The following PDE3B variants were observed in gnomAD, a reference collection of about 807,000 sequenced individuals.
PDE3B encodes phosphodiesterase 3B.
In PDE3B, 66 loss-of-function variants were observed where a neutral mutation model predicts 116.8. That is an observed-to-expected ratio of 0.56 (90% CI 0.46 to 0.69). The LOEUF (loss-of-function observed/expected upper bound fraction) is 0.69. PDE3B is among the 30% of genes least tolerant of loss of function. PDE3B has a pLI of 0.00. For missense variants in PDE3B, 1,384 were observed against 1,368.1 expected (o/e 1.01, Z -0.18); for synonymous variants, 595 against 533.6 (o/e 1.12, Z -1.59).
At chr11:14,830,925 G>C (rs1265832277) in intron 8 of PDE3B, 79 bp downstream of exon 8, 3 of 982,650 alleles carry the variant, frequency 3.1e-6, no homozygotes, top group African/African-American at 1.7e-5. Flanking sequence ...CTTTTGCCCA[G>C]AACAAGATTT....
the PDE3B span, chr11:14,892,120 T>G: frequency 2.5e-6 from 4 of 1,611,692 alleles, no homozygotes; most frequent in Non-Finnish European, 3.4e-6. Flanking sequence ...CTTCAGCAGC[T>G]GGCGGACCCC....
intron 1 of PDE3B, among the ~76,000 whole-genome samples, chr11:14,709,311 T>C (rs1855625844): frequency 6.6e-6 from 1 of 152,170 alleles, no homozygotes. Flanking sequence ...TGAGGATACT[T>C]ACCATGTTTT....
chr11:14,747,522 C>T lies in PDE3B; in HGVS notation c.979-24415C>T, dbSNP rs557104514. On this transcript the variant is annotated intron_variant, in intron 1 of 15. Coordinates refer to ENST00000282096, the MANE Select transcript of PDE3B (RefSeq NM_000922.4). ...GAAGACAGTCAGAAGATAGCCTAAACAGAATCTGTTATTCATTGTGGTTGA... is the reference window on the plus strand; with the variant it reads ...GAAGACAGTCAGAAGATAGCCTAAATAGAATCTGTTATTCATTGTGGTTGA... Among the ~76,000 whole-genome samples the T allele has an allele frequency of 2.0e-5, 3 of 152,302 alleles. No individual in the cohort carries two copies. The South Asian group carries it at 6.2e-4, about 32-fold the overall frequency.
intron 12 of PDE3B, among the ~76,000 whole-genome samples, chr11:14,845,107 A>G (rs1040621769): frequency 6.6e-6 from 1 of 151,920 alleles, no homozygotes; most frequent in African/African-American, 2.4e-5. Context: ...GCAGACTGAC[A>G]CCTCACACGG....
chr11:14,644,508 C>A lies in PDE3B; in HGVS notation c.433C>A (p.Pro145Thr), dbSNP rs1420483950. ...CACCCGGACCAAGCGGGGACCCGGC[C>A]CGGGCCGGAGCTGCGGCTCCTGGTG... ...FLTRTKRGPGPGRSCGSWWLL... is the reference protein window; with the variant it reads ...FLTRTKRGPGTGRSCGSWWLL... Residue 145 changes from proline to threonine, a missense_variant, in exon 1 of 16, where the codon CCG becomes ACG. Pro to Thr is a conservative substitution (Grantham distance 38). Transcript: ENST00000282096. 2.5e-6 allele frequency: 4 copies of A among 1,610,438 alleles called. No homozygotes were observed. The South Asian group carries it at 4.4e-5, about 18-fold the overall frequency.
intron 15 of PDE3B, among the ~76,000 whole-genome samples, chr11:14,868,323 C>A (rs139832925): frequency 6.6e-6 from 1 of 152,192 alleles, no homozygotes; most frequent in Non-Finnish European, 1.5e-5. Context: ...CTTCATGTCA[C>A]TCCTTTTCAC....
chr11:14,697,118 T>C (rs1428978522), intron 1 of PDE3B, among the ~76,000 whole-genome samples: 1 of 151,914 alleles, frequency 6.6e-6, no homozygotes, highest in African/African-American at 2.4e-5. Context: ...GATTTATTTT[T>C]ATAGAGGTAG....
At chr11:14,821,847 G>A (rs544168489) in intron 7 of PDE3B, among the ~76,000 whole-genome samples, 11 of 151,682 alleles carry the variant, frequency 7.3e-5, no homozygotes, top group Admixed American at 2.6e-4. Flanking sequence ...TATTAAGTAC[G>A]AAAATCAGGA....
At chr11:14,684,310 C>T (rs997881634) in intron 1 of PDE3B, among the ~76,000 whole-genome samples, 1 of 152,092 alleles carries the variant, frequency 6.6e-6, no homozygotes, top group South Asian at 2.1e-4. Context: ...GATGACATCA[C>T]GTATCGGTAG....
chr11:14,739,082 C>T (rs1250840848), intron 1 of PDE3B, among the ~76,000 whole-genome samples: 1 of 152,098 alleles, frequency 6.6e-6, no homozygotes, highest in Non-Finnish European at 1.5e-5. Flanking sequence ...CTTGGCTATG[C>T]AGGCCCTTTT....
intron 2 of PDE3B, among the ~76,000 whole-genome samples, chr11:14,778,723 G>C (rs544429651): frequency 6.6e-6 from 1 of 152,188 alleles, no homozygotes; most frequent in Non-Finnish European, 1.5e-5. Context: ...AGAAACCAGA[G>C]CAGAAAAGCT....
intron 2 of PDE3B, chr11:14,772,661 A>G (rs762706469): frequency 2.0e-5 from 3 of 151,964 alleles, no homozygotes; most frequent in Non-Finnish European, 4.4e-5. Context: ...ATGGAATAAT[A>G]TGTGTACTTT....
At chr11:14,809,798 A>G (rs755499339) in intron 5 of PDE3B, among the ~76,000 whole-genome samples, 5 of 152,224 alleles carry the variant, frequency 3.3e-5, no homozygotes, top group Non-Finnish European at 7.3e-5. Flanking sequence ...CTAATCAGAC[A>G]TCAAGACTGC....
the PDE3B span, chr11:14,880,482 C>T: frequency 6.2e-7 from 1 of 1,613,432 alleles, no homozygotes; most frequent in Admixed American, 1.7e-5. Context: ...CAGCTAGTTC[C>T]ACATTTTCAC....
At chr11:14,674,679 G>A in intron 1 of PDE3B, 3 of 211,668 alleles carry the variant, frequency 1.4e-5, no homozygotes, top group Non-Finnish European at 2.9e-5. Context: ...TGAATATGAG[G>A]GTAACAACTA....
At chr11:14,883,300 T>G in the PDE3B span, among the ~76,000 whole-genome samples, 1 of 151,996 alleles carries the variant, frequency 6.6e-6, no homozygotes, top group Non-Finnish European at 1.5e-5. Flanking sequence ...AAGGCTACAC[T>G]AACCAAAACA....
rs183552851 is a variant in PDE3B, at chr11:14,802,242, C to T, written c.1416-1702C>T. On this transcript the variant is annotated intron_variant, in intron 4 of 15. Transcript: ENST00000282096. ...CTAGTTTGGTGTCTGCCTAAATGGC[C>T]GCCCAGTTTTTTGCTTGAAACCCAG... Among the ~76,000 whole-genome samples, 499 of 152,274 alleles carry T rather than the reference C, an allele frequency of 3.3e-3. 1 individual carries two copies. Among genetic ancestry groups the T allele is most frequent in the Non-Finnish European group, 5.7e-3 (388 of 68,022 alleles).
Position 14,771,937 on chromosome 11 carries a change from A to G in PDE3B, c.979A>G (p.Met327Val), listed in dbSNP as rs750876378. 5.3e-6 allele frequency: 7 copies of G among 1,314,698 alleles called. No individual in the cohort carries two copies. Among genetic ancestry groups the G allele is most frequent in the Non-Finnish European group, 7.1e-6 (7 of 983,298 alleles). The allele number at this position is 1,314,698 out of a possible 1,614,324, so 81.4% of individuals were successfully genotyped here. ...PSLPCISREQ[M>V]ILWDWDLKQW... ...TAACCAAGTGAATTTTTTTTTCTAG[A>G]TGATTCTTTGGGATTGGGACTTAAA... The change falls in exon 2 of 16, where the codon ATG (methionine) becomes GTG (valine). Residue 327 changes from methionine to valine, a missense_variant and splice_region_variant. This residue lies in a region of PDE3B where 956 missense variants were observed against 806.8 expected (regional missense o/e 1.18). Coordinates refer to ENST00000282096, the MANE Select transcript of PDE3B (RefSeq NM_000922.4).
chr11:14,815,935 T>TTA lies in PDE3B; in HGVS notation c.1523-2245_1523-2244dup, dbSNP rs1279564315. 1.3e-4 allele frequency among the ~76,000 whole-genome samples: 17 copies of TTA among 127,046 alleles called. No homozygotes were observed. The South Asian group carries it at 4.0e-3, about 30-fold the overall frequency. The allele number at this position is 127,046 out of a possible 152,430, so 83.3% of individuals were successfully genotyped here. On this transcript the variant is annotated intron_variant, in intron 5 of 15. Transcript: ENST00000282096. ...TGGCAAAAGATAAAGAACATTATATTTATACACACACACACACACACACAC... is the reference window on the plus strand; with the variant it reads ...TGGCAAAAGATAAAGAACATTATATTTATATACACACACACACACACACACAC...
Sources: gnomAD v4.1 joint callset for allele counts (sites outside exome capture counted in the v4.1 genomes callset) on GRCh38, gnomAD v4.1.1 for gene constraint, gnomAD v4.1.1 regional missense constraint, MANE v1.5 for transcripts, NCBI Gene and HGNC (gene_info 2026-07-23, HGNC 2026-07-21) for gene names.